Variants in AAGAB observed in about 807,000 individuals in gnomAD.
AAGAB encodes alpha- and gamma-adaptin-binding protein p34.
A neutral mutation model predicts 44.1 loss-of-function variants in AAGAB; 38 were observed. The ratio of observed to expected loss-of-function variants is 0.86; its 90% CI spans 0.67 to 1.13. The LOEUF (loss-of-function observed/expected upper bound fraction) is 1.13. Ranked by LOEUF, AAGAB falls within the 50% of genes most tolerant of loss-of-function variation. The probability of loss-of-function intolerance (pLI) is 0.00; values close to 1 mark genes in which losing one functional copy is unlikely to be tolerated. For missense variants in AAGAB, 450 were observed against 373.8 expected (o/e 1.20, Z -1.68); for synonymous variants, 131 against 131.8 (o/e 0.99, Z 0.04).
At chr15:67,243,855 T>C (rs1282613895) in intron 1 of AAGAB, among the ~76,000 whole-genome samples, 1 of 152,222 alleles carries the variant, frequency 6.6e-6, no homozygotes, top group Admixed American at 6.5e-5. Flanking sequence ...TCTGATAAAG[T>C]CTATCTCAAG....
At chr15:67,253,453 A>G (rs1964946089) in intron 1 of AAGAB, among the ~76,000 whole-genome samples, 1 of 151,864 alleles carries the variant, frequency 6.6e-6, no homozygotes. Flanking sequence ...AAAAGGAGAG[A>G]AAAGAGAAAG....
intron 5 of AAGAB, among the ~76,000 whole-genome samples, chr15:67,222,240 G>GCACACACACACACACACACA (rs1156310462): frequency 3.4e-5 from 3 of 88,194 alleles, no homozygotes; most frequent in Non-Finnish European, 8.5e-5. Context: ...ACGCGCGCGC[G>GCACACACACACACACACACA]CGCACACACA....
intron 5 of AAGAB, among the ~76,000 whole-genome samples, chr15:67,228,549 T>C (rs1964258312): frequency 6.6e-6 from 1 of 152,238 alleles, no homozygotes; most frequent in Admixed American, 6.5e-5. Context: ...GTTCAGCCAC[T>C]GTGGAAAGCA....
intron 3 of AAGAB, 53 bp from the exon 4 acceptor site, chr15:67,236,121 C>T (rs758204976): frequency 1.7e-5 from 23 of 1,343,570 alleles, no homozygotes; most frequent in Non-Finnish European, 2.4e-5. Context: ...TAAAACATGA[C>T]TATTCCTGCA....
At chr15:67,230,383 G>A (rs1042605344) in intron 5 of AAGAB, among the ~76,000 whole-genome samples, 4 of 152,092 alleles carry the variant, frequency 2.6e-5, no homozygotes, top group Non-Finnish European at 4.4e-5. Context: ...ATTAAGATGA[G>A]GTCATACTGC....
chr15:67,244,023 AAAC>A (rs1400860849), intron 1 of AAGAB, among the ~76,000 whole-genome samples: 1 of 152,234 alleles, frequency 6.6e-6, no homozygotes, highest in East Asian at 1.9e-4. Context: ...AATTTTTCAT[AAAC>A]AAATTAGCAT....
chr15:67,241,049 A>ACACG (rs1354758569), intron 1 of AAGAB, among the ~76,000 whole-genome samples: 10 of 151,538 alleles, frequency 6.6e-5, no homozygotes, highest in Admixed American at 4.0e-4. Context: ...CTACACACAC[A>ACACG]CACACACACA....
chr15:67,244,849 G>A (rs1484927624), intron 1 of AAGAB, among the ~76,000 whole-genome samples: 1 of 151,670 alleles, frequency 6.6e-6, no homozygotes, highest in Non-Finnish European at 1.5e-5. Context: ...AAAAAGATTT[G>A]AATAGACATT....
At chr15:67,211,092 A>G (rs1963807973) in intron 5 of AAGAB, among the ~76,000 whole-genome samples, 1 of 152,188 alleles carries the variant, frequency 6.6e-6, no homozygotes, top group African/African-American at 2.4e-5. Context: ...ACTTGGGAAG[A>G]TCTGCCTTTT....
chr15:67,236,963 T>C (rs1300313749), intron 1 of AAGAB, 143 bp from the exon 2 acceptor site: 1 of 597,600 alleles, frequency 1.7e-6, no homozygotes. Context: ...ATTTATTAGC[T>C]TTAATCCTAT....
chr15:67,209,433 G>T (rs765657234), intron 6 of AAGAB, 29 bp downstream of exon 6: 2 of 1,565,952 alleles, frequency 1.3e-6, no homozygotes, highest in Non-Finnish European at 1.8e-6. Context: ...AAGCCAAAGA[G>T]GGAAAAAAGA....
intron 5 of AAGAB, among the ~76,000 whole-genome samples, chr15:67,209,936 G>A (rs1289514907): frequency 6.6e-6 from 1 of 152,118 alleles, no homozygotes; most frequent in Non-Finnish European, 1.5e-5. Context: ...AAACTGCCAG[G>A]ATTACAGGCC....
At chr15:67,219,350 A>G (rs1030320144) in intron 5 of AAGAB, among the ~76,000 whole-genome samples, 1 of 152,208 alleles carries the variant, frequency 6.6e-6, no homozygotes, top group Non-Finnish European at 1.5e-5. Context: ...TTGGAGCAAT[A>G]ATGTCCCTGT....
At chr15:67,254,319 G>C in intron 1 of AAGAB, 1 of 1,151,870 alleles carries the variant, frequency 8.7e-7, no homozygotes, top group South Asian at 2.0e-5. Flanking sequence ...GAGCAGAGCG[G>C]GAAATCAGTC....
intron 5 of AAGAB, among the ~76,000 whole-genome samples, chr15:67,228,189 G>T (rs867947197): frequency 1.4e-4 from 21 of 152,078 alleles, no homozygotes; most frequent in Non-Finnish European, 2.6e-4. Context: ...TATGAACTTG[G>T]GACACAGATT....
rs12101335 is a variant in AAGAB at position 67,218,178 on chromosome 15, T to A, written c.536-8634A>T. Among the ~76,000 whole-genome samples, 600 of 152,340 alleles carry A rather than the reference T, an allele frequency of 3.9e-3. 4 individuals carry two copies. Among genetic ancestry groups the A allele is most frequent in the African/African-American group, 0.013 (559 of 41,572 alleles). On this transcript the variant is annotated intron_variant, in intron 5 of 9. Coordinates refer to ENST00000261880, the MANE Select transcript of AAGAB (RefSeq NM_024666.5). ...TCACAACTCTGTAACATTTGTTTAA[T>A]CTAATCCCTCTTTCACTAATTAAAA...
intron 5 of AAGAB, chr15:67,221,328 T>C (rs1279220206): frequency 6.6e-6 from 1 of 152,240 alleles, no homozygotes; most frequent in Non-Finnish European, 1.5e-5. Context: ...ACATATCCTT[T>C]CCTTGTTTAA....
Position 67,254,602 on chromosome 15 carries a change from G to A in AAGAB, c.30C>T (p.Val10=), listed in dbSNP as rs927515697. Residue 10 remains valine (V), a synonymous_variant, in exon 1 of 10, where the codon GTC becomes GTT. Transcript: ENST00000261880. Reference sequence around the variant, plus strand: ...CTGAGAAGACGGAGGAGCAGCTGGTGACTAACGCACAGGGTACGCCAGCAG... The same window carrying A: ...CTGAGAAGACGGAGGAGCAGCTGGTAACTAACGCACAGGGTACGCCAGCAG... The part of the protein sequence containing the change: MAAGVPCAL[V]TSCSSVFSGD... 3.1e-6 allele frequency: 5 copies of A among 1,609,176 alleles called. No homozygotes were observed. Among genetic ancestry groups the A allele is most frequent in the South Asian group, 1.1e-5 (1 of 90,398 alleles).
chr15:67,210,087 A>G (rs1457857712), intron 5 of AAGAB, among the ~76,000 whole-genome samples: 1 of 152,232 alleles, frequency 6.6e-6, no homozygotes, highest in Non-Finnish European at 1.5e-5. Context: ...AAAGATTAAC[A>G]GCACTAATGC....
Sources: gnomAD v4.1 joint callset for allele counts (sites outside exome capture counted in the v4.1 genomes callset) on GRCh38, gnomAD v4.1.1 for gene constraint, MANE v1.5 for transcripts, NCBI Gene and HGNC (gene_info 2026-07-23, HGNC 2026-07-21) for gene names.